The following SMYD3 variants were observed in gnomAD, a reference collection of about 807,000 sequenced individuals.
SMYD3 encodes the protein histone-lysine N-methyltransferase SMYD3.
A neutral mutation model predicts 57.7 loss-of-function variants in SMYD3; 36 were observed. The observed-to-expected ratio is 0.62, with a 90% CI of 0.48 to 0.82. The LOEUF (loss-of-function observed/expected upper bound fraction) is 0.82, where lower values mean the gene tolerates loss of function less well. Ranked by LOEUF, SMYD3 falls within the 40% of genes least tolerant of loss-of-function variation. The pLI, the probability that SMYD3 is intolerant of heterozygous loss-of-function variation, is 0.00. For synonymous variants in SMYD3, 211 were observed against 195.0 expected (o/e 1.08, Z -0.68); for missense variants, 515 against 538.8 (o/e 0.96, Z 0.44).
chr1:245,770,957 A>G (rs559874491), intron 10 of SMYD3, among the ~76,000 whole-genome samples: 1 of 152,280 alleles, frequency 6.6e-6, no homozygotes, highest in South Asian at 2.1e-4. Context: ...AGACAATGTA[A>G]CAGAAATAAA....
intron 10 of SMYD3, among the ~76,000 whole-genome samples, chr1:245,768,640 C>A (rs2817499): frequency 4.6e-5 from 7 of 152,056 alleles, no homozygotes; most frequent in Non-Finnish European, 1.0e-4. Flanking sequence ...TTTGGAGGTC[C>A]GGCCTTTAAG....
chr1:245,983,370 C>T (rs1233596578), intron 5 of SMYD3, among the ~76,000 whole-genome samples: 1 of 152,130 alleles, frequency 6.6e-6, no homozygotes, highest in Non-Finnish European at 1.5e-5. Context: ...CTTCTTTATC[C>T]AAATTCTTCA....
chr1:246,386,262 T>C (rs1009668738), intron 1 of SMYD3, among the ~76,000 whole-genome samples: 1 of 152,122 alleles, frequency 6.6e-6, no homozygotes, highest in African/African-American at 2.4e-5. Flanking sequence ...ATCGGCTTGC[T>C]ACAGTAAAAG....
chr1:245,956,053 A>G, intron 5 of SMYD3: 7 of 984,114 alleles, frequency 7.1e-6, no homozygotes, highest in Non-Finnish European at 8.4e-6. Context: ...TATGTTCATT[A>G]CTAGGTTATA....
At position 246,355,824 on chromosome 1, in the gene SMYD3, CCTAT is replaced by C. The variant is rs2065903047; in HGVS notation, c.165-734_165-731del. Among the ~76,000 whole-genome samples the C allele has an allele frequency of 6.6e-6, 1 of 152,184 alleles. No homozygotes were observed. The highest frequency in any genetic ancestry group is 1.5e-5 in the Non-Finnish European group (1 of 68,034). On this transcript the variant is annotated intron_variant, in intron 1 of 11. Transcript: ENST00000490107. The surrounding 1 kb of genome is among the most constrained non-coding windows in gnomAD (Gnocchi z 5.0). ...CAAGGAGAATCTGAGCTCAGACACACCTATCCCTGCCCCCTGGTGGTCTTTCTCT... is the reference window on the plus strand; with the variant it reads ...CAAGGAGAATCTGAGCTCAGACACACCCCTGCCCCCTGGTGGTCTTTCTCT...
intron 8 of SMYD3, among the ~76,000 whole-genome samples, chr1:245,907,104 A>G (rs1226264619): frequency 1.3e-5 from 2 of 152,188 alleles, no homozygotes; most frequent in Non-Finnish European, 1.5e-5. Flanking sequence ...AGGATGGTTA[A>G]TGGGGACAAC....
chr1:246,136,552 A>G (rs1156378465), intron 5 of SMYD3, among the ~76,000 whole-genome samples: 3 of 152,192 alleles, frequency 2.0e-5, no homozygotes, highest in Admixed American at 2.0e-4. Context: ...TATATCTGGG[A>G]GTTGGAGGAA....
At chr1:245,979,001 C>G (rs1340533644) in intron 5 of SMYD3, among the ~76,000 whole-genome samples, 7 of 152,176 alleles carry the variant, frequency 4.6e-5, no homozygotes, top group African/African-American at 1.4e-4. Context: ...CATGTGACTA[C>G]TACCGTATAT....
chr1:246,258,144 C>G (rs543024323), intron 5 of SMYD3, among the ~76,000 whole-genome samples: 1 of 152,204 alleles, frequency 6.6e-6, no homozygotes, highest in South Asian at 2.1e-4. Flanking sequence ...TCAAGCAATT[C>G]TCCTGCCTCA....
chr1:246,506,073 A>T (rs1217580192), intron 1 of SMYD3, among the ~76,000 whole-genome samples: 2 of 152,238 alleles, frequency 1.3e-5, no homozygotes, highest in African/African-American at 2.4e-5. Context: ...CAAATTACAG[A>T]TACGAGTTTT....
chr1:245,766,117 A>T (rs1185524706), intron 10 of SMYD3, among the ~76,000 whole-genome samples: 1 of 152,084 alleles, frequency 6.6e-6, no homozygotes, highest in African/African-American at 2.4e-5. Flanking sequence ...TAAAAAGCTG[A>T]AAAGGGGCTG....
At chr1:245,960,205 G>A (rs546078910) in intron 5 of SMYD3, among the ~76,000 whole-genome samples, 1 of 152,298 alleles carries the variant, frequency 6.6e-6, no homozygotes, top group Admixed American at 6.5e-5. Context: ...GTTAACACGT[G>A]CATACTTGAC....
At chr1:245,837,971 T>C (rs558318707) in intron 10 of SMYD3, among the ~76,000 whole-genome samples, 1 of 152,322 alleles carries the variant, frequency 6.6e-6, no homozygotes, top group African/African-American at 2.4e-5. Context: ...AGGGCAGACA[T>C]TGATTTTCCC....
At chr1:245,798,419 C>CATA (rs1194757398) in intron 10 of SMYD3, among the ~76,000 whole-genome samples, 2 of 86,516 alleles carry the variant, frequency 2.3e-5, no homozygotes, top group Non-Finnish European at 4.5e-5. Context: ...CACACACATA[C>CATA]ACACCCCCAC....
chr1:245,780,925 A>G (rs995930924), intron 10 of SMYD3, among the ~76,000 whole-genome samples: 1 of 152,252 alleles, frequency 6.6e-6, no homozygotes, highest in African/African-American at 2.4e-5. Flanking sequence ...AATAAAAAGT[A>G]ACAAAGTACT....
At chr1:246,346,110 C>T (rs1157811719) in intron 2 of SMYD3, among the ~76,000 whole-genome samples, 1 of 152,100 alleles carries the variant, frequency 6.6e-6, no homozygotes, top group East Asian at 1.9e-4. Flanking sequence ...CGGTAACACC[C>T]CATCTCTACT....
chr1:246,500,319 G>A lies in SMYD3; in HGVS notation c.164+6735C>T, dbSNP rs563042917. On this transcript the variant is annotated intron_variant, in intron 1 of 11. Transcript: ENST00000490107. The stretch of plus-strand genomic sequence containing the variant: ...CCAATAGTCTTCCAATGAGGAAATC[G>A]GCAAACATAAACAGTCAAAACCACA... Among the ~76,000 whole-genome samples, 40 of 152,230 alleles carry A rather than the reference G, an allele frequency of 2.6e-4. 1 individual carries two copies. The highest frequency in any genetic ancestry group is 3.4e-4 in the Non-Finnish European group (23 of 68,004).
At chr1:246,241,014 A>G (rs1261496548) in intron 5 of SMYD3, among the ~76,000 whole-genome samples, 2 of 152,100 alleles carry the variant, frequency 1.3e-5, no homozygotes, top group African/African-American at 2.4e-5. Context: ...GGTTTTCTAA[A>G]TATACACTCA....
At chr1:246,419,200 G>A (rs1572483843) in intron 1 of SMYD3, among the ~76,000 whole-genome samples, 1 of 152,162 alleles carries the variant, frequency 6.6e-6, no homozygotes, top group Non-Finnish European at 1.5e-5. Context: ...TTCTTATAGG[G>A]ATAAACCTAT....
Sources: allele counts gnomAD v4.1 joint callset (sites outside exome capture counted in the v4.1 genomes callset), GRCh38; gene constraint gnomAD v4.1.1; non-coding constraint Gnocchi (gnomAD v3.1); transcripts MANE v1.5; gene names NCBI Gene and HGNC (gene_info 2026-07-23, HGNC 2026-07-21).